MAD1L1: variants seen among roughly 807,000 people sequenced by gnomAD.
The protein encoded by MAD1L1 is mitotic spindle assembly checkpoint protein MAD1.
Under a neutral mutation model 96.9 loss-of-function variants are expected in MAD1L1, and 95 were observed. That is an observed-to-expected ratio of 0.98 (90% CI 0.83 to 1.16). The LOEUF (loss-of-function observed/expected upper bound fraction) is 1.16, where lower values mean the gene tolerates loss of function less well. Among genes scored for constraint, MAD1L1 ranks in the 50% most tolerant of loss-of-function variants. MAD1L1 has a pLI of 0.00. For missense variants in MAD1L1, 1,007 were observed against 954.4 expected (o/e 1.06, Z -0.73); for synonymous variants, 473 against 396.6 (o/e 1.19, Z -2.29).
chr7:2,192,045 T>C (rs1171423963), intron 10 of MAD1L1, among the ~76,000 whole-genome samples: 6 of 150,420 alleles, frequency 4.0e-5, no homozygotes, highest in South Asian at 2.1e-4. Context: ...AAAAAAAAAA[T>C]ACATAAAATA....
At chr7:1,975,541 G>A (rs1466694149) in intron 15 of MAD1L1, among the ~76,000 whole-genome samples, 1 of 152,234 alleles carries the variant, frequency 6.6e-6, no homozygotes, top group Non-Finnish European at 1.5e-5. Context: ...GGCAGGGACT[G>A]TCTTTCCAGT....
At chr7:2,097,358 A>G (rs996918541) in intron 11 of MAD1L1, among the ~76,000 whole-genome samples, 1 of 152,216 alleles carries the variant, frequency 6.6e-6, no homozygotes, top group East Asian at 1.9e-4. Context: ...AAACCAGCCC[A>G]AAATCCAAAG....
At chr7:2,162,206 G>T (rs898692954) in intron 10 of MAD1L1, among the ~76,000 whole-genome samples, 2 of 152,248 alleles carry the variant, frequency 1.3e-5, no homozygotes, top group Admixed American at 1.3e-4. Flanking sequence ...TGTGTAGAAA[G>T]AAGTAGACAT....
chr7:2,072,249 C>T (rs1295755834), intron 11 of MAD1L1, among the ~76,000 whole-genome samples: 1 of 152,212 alleles, frequency 6.6e-6, no homozygotes, highest in Non-Finnish European at 1.5e-5. Flanking sequence ...GCAGAACCAA[C>T]TGCTTGCTTG....
chr7:2,007,503 G>A (rs1782086068), intron 13 of MAD1L1, among the ~76,000 whole-genome samples: 2 of 116,502 alleles, frequency 1.7e-5, no homozygotes, highest in Non-Finnish European at 3.9e-5. Context: ...CCAACATGGT[G>A]AAATTACTAA....
chr7:2,034,634 A>C (rs768207018), intron 12 of MAD1L1, among the ~76,000 whole-genome samples: 21 of 152,244 alleles, frequency 1.4e-4, no homozygotes, highest in Non-Finnish European at 2.4e-4. Flanking sequence ...CAAGTGCAGG[A>C]AGCACACAAG....
At chr7:1,817,300 A>G (rs1781863542) in intron 18 of MAD1L1, among the ~76,000 whole-genome samples, 1 of 152,172 alleles carries the variant, frequency 6.6e-6, no homozygotes, top group East Asian at 1.9e-4. Flanking sequence ...CGCAGAGTCC[A>G]TGGGCCCAGC....
chr7:2,093,831 G>A (rs1786339091), intron 11 of MAD1L1, among the ~76,000 whole-genome samples: 1 of 152,208 alleles, frequency 6.6e-6, no homozygotes, highest in South Asian at 2.1e-4. Flanking sequence ...CGCAGACAAA[G>A]CCACTGTGGG....
At chr7:2,040,109 G>C (rs2056477) in intron 12 of MAD1L1, among the ~76,000 whole-genome samples, 36,558 of 152,032 alleles carry the variant, frequency 0.24, 4,573 homozygotes, top group South Asian at 0.39. Context: ...AGAGATAAAG[G>C]CTGTAAAGGA....
chr7:1,928,268 T>C (rs1311372939), intron 17 of MAD1L1, among the ~76,000 whole-genome samples: 1 of 139,908 alleles, frequency 7.1e-6, no homozygotes, highest in Non-Finnish European at 1.5e-5. Context: ...CGCCAGTCCC[T>C]AGAGGAGCCC....
chr7:1,843,805 T>A (rs183171844), intron 18 of MAD1L1, among the ~76,000 whole-genome samples: 4 of 152,316 alleles, frequency 2.6e-5, no homozygotes, highest in Admixed American at 6.5e-5. Context: ...ATTCACCTCC[T>A]ACCCAGACAG....
chr7:2,030,654 C>T (rs1416870702), intron 12 of MAD1L1, among the ~76,000 whole-genome samples: 2 of 152,356 alleles, frequency 1.3e-5, no homozygotes, highest in East Asian at 3.9e-4. Context: ...CCAGACGCCG[C>T]CCCGGCAGAG....
At chr7:1,897,317 G>A (rs910616817) in intron 18 of MAD1L1, among the ~76,000 whole-genome samples, 2 of 151,464 alleles carry the variant, frequency 1.3e-5, no homozygotes, top group Middle Eastern at 3.4e-3. Flanking sequence ...TTAGACGCCC[G>A]TTCCAGACCA....
chr7:2,038,498 CTTTT>C lies in MAD1L1; in HGVS notation c.1219-23860_1219-23857del, dbSNP rs60466584. Among the ~76,000 whole-genome samples, 60 of 92,844 alleles carry C rather than the reference CTTTT, an allele frequency of 6.5e-4. 2 individuals carry two copies. In the East Asian group the frequency reaches 0.012, roughly 19 times the overall value. The allele number at this position is 92,844 out of a possible 152,430, so 60.9% of individuals were successfully genotyped here. A position where few individuals can be genotyped will look rare whatever the true frequency, so the allele number is the denominator to read the frequency against. On this transcript the variant is annotated intron_variant, in intron 12 of 18. Transcript: ENST00000265854. ...TGTTAGGAGATAATGAAGCTGATGA[CTTTT>C]TTTTTTTTTTTTTTTTTTTTTTTTG...
At chr7:1,883,126 C>G (rs1259450989) in intron 18 of MAD1L1, among the ~76,000 whole-genome samples, 4 of 151,574 alleles carry the variant, frequency 2.6e-5, no homozygotes, top group African/African-American at 9.7e-5. Flanking sequence ...TAACAGCAAA[C>G]CTGGTGTCAC....
intron 3 of MAD1L1, among the ~76,000 whole-genome samples, chr7:2,229,643 C>T (rs780622341): frequency 2.2e-4 from 34 of 152,194 alleles, no homozygotes; most frequent in Non-Finnish European, 3.8e-4. Flanking sequence ...GTGCTCACTC[C>T]CCCAGGCAGT....
chr7:2,080,340 C>T (rs937128132), intron 11 of MAD1L1, among the ~76,000 whole-genome samples: 2 of 152,204 alleles, frequency 1.3e-5, no homozygotes, highest in African/African-American at 2.4e-5. Context: ...CCCTATACCA[C>T]AGATATGAGG....
At chr7:2,224,736 T>C (rs185967080) in intron 4 of MAD1L1, among the ~76,000 whole-genome samples, 2 of 152,236 alleles carry the variant, frequency 1.3e-5, no homozygotes, top group East Asian at 1.9e-4. Context: ...CCTGGCAAAG[T>C]GCTGTTAATC....
intron 10 of MAD1L1, among the ~76,000 whole-genome samples, chr7:2,174,643 A>G (rs1002923304): frequency 2.6e-5 from 4 of 151,470 alleles, no homozygotes; most frequent in African/African-American, 7.3e-5. Flanking sequence ...CAACACTTAC[A>G]CTGATTTTTT....
Sources: allele counts gnomAD v4.1 joint callset (sites outside exome capture counted in the v4.1 genomes callset), GRCh38; gene constraint gnomAD v4.1.1; transcripts MANE v1.5; gene names NCBI Gene and HGNC (gene_info 2026-07-23, HGNC 2026-07-21).